RASGRF2: variants seen among roughly 807,000 people sequenced by gnomAD.
The protein encoded by RASGRF2 is ras-specific guanine nucleotide-releasing factor 2.
RASGRF2 carries 76 observed loss-of-function variants against 151.0 expected under a neutral mutation model. The ratio of observed to expected loss-of-function variants is 0.50; its 90% CI spans 0.42 to 0.61. The LOEUF (loss-of-function observed/expected upper bound fraction) is 0.61, where lower values mean the gene tolerates loss of function less well. RASGRF2 is among the 20% of genes least tolerant of loss of function. RASGRF2 has a pLI of 0.00. For synonymous variants in RASGRF2, 504 were observed against 566.5 expected, an observed-to-expected ratio of 0.89 and a Z score of 1.57; for missense variants, 1,148 against 1,564.6, an observed-to-expected ratio of 0.73 and a Z score of 4.49.
intron 2 of RASGRF2, among the ~76,000 whole-genome samples, chr5:81,045,511 C>T (rs973602556): frequency 6.6e-6 from 1 of 152,174 alleles, no homozygotes; most frequent in Non-Finnish European, 1.5e-5. Context: ...GTGATGTTGT[C>T]AGGAGACAGA....
At chr5:81,007,307 A>C (rs1303788650) in intron 1 of RASGRF2, among the ~76,000 whole-genome samples, 4 of 152,088 alleles carry the variant, frequency 2.6e-5, no homozygotes, top group Non-Finnish European at 5.9e-5. Context: ...AGGAAGGTTG[A>C]ACTTGTTTTT....
At chr5:81,160,717 A>G (rs145936566) in intron 17 of RASGRF2, among the ~76,000 whole-genome samples, 2,703 of 149,496 alleles carry the variant, frequency 0.018, 81 homozygotes, top group South Asian at 0.087. Flanking sequence ...AATAATAATA[A>G]TAAGTCAACC....
At chr5:81,053,934 G>A (rs145170699) in intron 2 of RASGRF2, among the ~76,000 whole-genome samples, 140,712 of 148,594 alleles carry the variant, frequency 0.95, 66,768 homozygotes, top group African/African-American at 0.99. Context: ...CTTTTGAGAA[G>A]TGTCTGTTCA....
chr5:81,070,270 C>G, intron 3 of RASGRF2: 2 of 453,324 alleles, frequency 4.4e-6, no homozygotes, highest in South Asian at 4.7e-5. Flanking sequence ...TCCCCGGTCA[C>G]ACTTTACACA....
intron 17 of RASGRF2, among the ~76,000 whole-genome samples, chr5:81,134,262 C>T (rs1753700624): frequency 1.3e-5 from 2 of 152,160 alleles, no homozygotes; most frequent in Admixed American, 1.3e-4. Flanking sequence ...TTAACCCACA[C>T]CCTCAGGCAA....
chr5:81,179,414 T>C (rs1754860831), intron 17 of RASGRF2, among the ~76,000 whole-genome samples: 1 of 152,228 alleles, frequency 6.6e-6, no homozygotes, highest in Admixed American at 6.5e-5. Flanking sequence ...AGAGGCAACC[T>C]AACTTGCCAG....
chr5:81,061,812 A>G (rs541036200), intron 2 of RASGRF2, among the ~76,000 whole-genome samples: 2 of 151,728 alleles, frequency 1.3e-5, no homozygotes, highest in East Asian at 1.9e-4. Context: ...TTGGCCCCCC[A>G]AGTAGCTGGG....
At chr5:81,215,833 C>A in intron 23 of RASGRF2, 43 bp from the exon 24 acceptor site, 1 of 1,475,302 alleles carries the variant, frequency 6.8e-7, no homozygotes, top group Non-Finnish European at 8.9e-7. Context: ...TCTTTTTAAA[C>A]CATAGTATTT....
At position 81,000,272 on chromosome 5, in the gene RASGRF2, G is replaced by A. The variant is rs190903239; in HGVS notation, c.288+39246G>A. On this transcript the variant is annotated intron_variant, in intron 1 of 26. Coordinates refer to ENST00000265080, the MANE Select transcript of RASGRF2 (RefSeq NM_006909.3). ...CAACCTCAGTCTGCAACAGGGTTTC[G>A]CTCTTGTCACCTAGGCTGGAGTGCA... 2.9e-3 allele frequency among the ~76,000 whole-genome samples: 438 copies of A among 152,234 alleles called. 2 individuals are homozygous for A. Among genetic ancestry groups the A allele is most frequent in the Middle Eastern group, 0.017 (5 of 294 alleles).
chr5:81,057,324 T>A (rs1751252399), intron 2 of RASGRF2, among the ~76,000 whole-genome samples: 1 of 152,142 alleles, frequency 6.6e-6, no homozygotes, highest in African/African-American at 2.4e-5. Flanking sequence ...TTGCTGTAGT[T>A]TGCTTCATAT....
intron 2 of RASGRF2, among the ~76,000 whole-genome samples, chr5:81,050,080 C>T (rs1455208763): frequency 6.6e-6 from 1 of 152,192 alleles, no homozygotes; most frequent in African/African-American, 2.4e-5. Context: ...TGACCCCAGC[C>T]TAACTGCTCA....
intron 1 of RASGRF2, among the ~76,000 whole-genome samples, chr5:81,012,094 A>T (rs1263195705): frequency 1.3e-5 from 2 of 152,178 alleles, no homozygotes; most frequent in African/African-American, 4.8e-5. Flanking sequence ...TTTTGTTATT[A>T]TTTCAAACAT....
intron 1 of RASGRF2, among the ~76,000 whole-genome samples, chr5:81,012,381 G>A (rs2112317202): frequency 6.6e-6 from 1 of 152,208 alleles, no homozygotes; most frequent in African/African-American, 2.4e-5. Context: ...GTTTTCCAGT[G>A]CATTAACATA....
At chr5:81,057,442 A>G (rs1751259859) in intron 2 of RASGRF2, among the ~76,000 whole-genome samples, 1 of 152,128 alleles carries the variant, frequency 6.6e-6, no homozygotes, top group African/African-American at 2.4e-5. Context: ...AAGGTCTGTA[A>G]TTTCACACTG....
rs1337428116 is a variant in RASGRF2, at chr5:81,208,408, C to T, written c.3126C>T (p.Tyr1042=). Residue 1042 remains tyrosine, a synonymous_variant, in exon 22 of 27, where the codon TAC becomes TAT. Transcript: ENST00000265080. The part of the protein sequence containing the change: ...MKLDKNERTP[Y]IMKTSQHFND... ...TGGATAAAAACGAAAGAACTCCTTA[C>T]ATTATGAAAACCAGCCAACACTTCA... 6.2e-7 allele frequency: 1 copy of T among 1,611,446 alleles called. No individual in the cohort carries two copies. The highest frequency in any genetic ancestry group is 8.5e-7 in the Non-Finnish European group (1 of 1,178,630).
intron 18 of RASGRF2, among the ~76,000 whole-genome samples, chr5:81,198,443 A>ATT (rs34980516): frequency 4.1e-5 from 6 of 147,118 alleles, no homozygotes; most frequent in East Asian, 2.0e-4. Flanking sequence ...ATAGAACATG[A>ATT]TTTTTTTTTT....
intron 1 of RASGRF2, among the ~76,000 whole-genome samples, chr5:81,034,595 T>C (rs1487537306): frequency 6.6e-6 from 1 of 151,572 alleles, no homozygotes; most frequent in Non-Finnish European, 1.5e-5. Flanking sequence ...GTGGCACATA[T>C]ACACCATGGA....
chr5:81,093,236 T>C (rs775158026), intron 10 of RASGRF2, among the ~76,000 whole-genome samples: 3 of 152,234 alleles, frequency 2.0e-5, no homozygotes, highest in Non-Finnish European at 4.4e-5. Context: ...TGTATCTGTA[T>C]AATCATATAC....
intron 1 of RASGRF2, among the ~76,000 whole-genome samples, chr5:80,980,514 C>T (rs987635122): frequency 6.6e-5 from 10 of 152,086 alleles, no homozygotes; most frequent in African/African-American, 7.2e-5. Context: ...TGGTGGTGCA[C>T]GCCTATAATC....
Sources: allele counts gnomAD v4.1 joint callset (sites outside exome capture counted in the v4.1 genomes callset), GRCh38; gene constraint gnomAD v4.1.1; transcripts MANE v1.5; gene names NCBI Gene and HGNC (gene_info 2026-07-23, HGNC 2026-07-21).